The following UNC13C variants were observed in gnomAD, a reference collection of about 807,000 sequenced individuals.
UNC13C encodes the protein protein unc-13 homolog C.
A neutral mutation model predicts 245.4 loss-of-function variants in UNC13C; 174 were observed. The observed-to-expected ratio is 0.71, with a 90% confidence interval of 0.63 to 0.80. The LOEUF is 0.80. Ranked by LOEUF, UNC13C falls within the 30% of genes least tolerant of loss-of-function variation. The pLI is 0.00. For missense variants in UNC13C, 2,829 were observed against 2,602.9 expected, an observed-to-expected ratio of 1.09 and a Z score of -1.89; for synonymous variants, 992 against 895.1, an observed-to-expected ratio of 1.11 and a Z score of -1.93.
intron 19 of UNC13C, among the ~76,000 whole-genome samples, chr15:54,473,038 C>A (rs928947485): frequency 6.6e-6 from 1 of 151,620 alleles, no homozygotes; most frequent in African/African-American, 2.4e-5. Flanking sequence ...CTAGTACTCC[C>A]CAGTGTCTGT....
chr15:54,424,335 T>C (rs1158026787), intron 19 of UNC13C, among the ~76,000 whole-genome samples: 3 of 151,880 alleles, frequency 2.0e-5, no homozygotes, highest in Admixed American at 6.6e-5. Flanking sequence ...GAGGTAGCAG[T>C]TGGCATGAAA....
intron 18 of UNC13C, among the ~76,000 whole-genome samples, chr15:54,412,760 G>C (rs542825950): frequency 3.4e-4 from 52 of 151,954 alleles, no homozygotes; most frequent in Non-Finnish European, 7.2e-4. Context: ...TTCTTCCTTT[G>C]CTATCTATAT....
intron 14 of UNC13C, among the ~76,000 whole-genome samples, chr15:54,330,880 G>T (rs577393055): frequency 1.3e-5 from 2 of 152,140 alleles, no homozygotes; most frequent in Non-Finnish European, 2.9e-5. Flanking sequence ...GGAAGGCAGG[G>T]CTCATTTCTT....
the UNC13C span, among the ~76,000 whole-genome samples, chr15:53,971,118 A>C: frequency 2.0e-5 from 3 of 152,194 alleles, no homozygotes; most frequent in South Asian, 6.2e-4. Flanking sequence ...GATGTTGAGC[A>C]TAATTTCATA....
At position 54,014,549 on chromosome 15, in the gene UNC13C, C is replaced by G. The variant is rs1265265767; in HGVS notation, c.1646C>G (p.Ser549Cys). 1 of 1,613,658 alleles carries G rather than the reference C, an allele frequency of 6.2e-7. No homozygotes were observed. The highest frequency in any genetic ancestry group is 8.5e-7 in the Non-Finnish European group (1 of 1,179,846). Residue 549 changes from serine (S) to cysteine (C), a missense_variant, in exon 2 of 33, where the codon TCT becomes TGT. Transcript: ENST00000260323. ...SDFFTAKLSR[S>C]ESDFSKLCQS... ...TTTTTCACTGCTAAACTTAGTCGTT[C>G]TGAATCAGATTTTTCCAAATTGTGT...
chr15:54,081,770 G>T (rs1445331679), intron 2 of UNC13C, among the ~76,000 whole-genome samples: 1 of 152,050 alleles, frequency 6.6e-6, no homozygotes, highest in Non-Finnish European at 1.5e-5. Flanking sequence ...TTTAAATAGA[G>T]CATTTAAGCT....
At chr15:54,553,060 A>T (rs1319044623) in intron 28 of UNC13C, among the ~76,000 whole-genome samples, 1 of 100,830 alleles carries the variant, frequency 9.9e-6, no homozygotes, top group African/African-American at 3.8e-5. Context: ...CTATATTACA[A>T]TATATAATAT....
At chr15:54,567,535 C>G (rs944292989) in intron 29 of UNC13C, among the ~76,000 whole-genome samples, 2 of 152,150 alleles carry the variant, frequency 1.3e-5, no homozygotes, top group Non-Finnish European at 2.9e-5. Context: ...TCAGCATGAT[C>G]TCATTTGTTT....
At chr15:54,181,751 C>A (rs937802323) in intron 4 of UNC13C, among the ~76,000 whole-genome samples, 2 of 151,588 alleles carry the variant, frequency 1.3e-5, no homozygotes, top group Non-Finnish European at 3.0e-5. Context: ...TCTCCACTTA[C>A]AGATGGTTTA....
the UNC13C span, among the ~76,000 whole-genome samples, chr15:53,895,475 A>G: frequency 1.7e-4 from 26 of 152,048 alleles, no homozygotes; most frequent in Non-Finnish European, 3.1e-4. Flanking sequence ...AGATCATTGA[A>G]TGTTCATAAA....
chr15:54,135,612 G>A (rs897441191), intron 2 of UNC13C, among the ~76,000 whole-genome samples: 1 of 152,124 alleles, frequency 6.6e-6, no homozygotes, highest in African/African-American at 2.4e-5. Flanking sequence ...TTTGCCATAT[G>A]TCTGTGGTTT....
At chr15:54,455,241 T>TATA (rs1891448062) in intron 19 of UNC13C, among the ~76,000 whole-genome samples, 1 of 70,662 alleles carries the variant, frequency 1.4e-5, no homozygotes, top group Non-Finnish European at 3.1e-5. Flanking sequence ...ATATATATGT[T>TATA]TTTTAATCCA....
chr15:54,274,125 C>T (rs4776219), intron 10 of UNC13C, among the ~76,000 whole-genome samples: 81,054 of 151,896 alleles, frequency 0.53, 23,418 homozygotes, highest in African/African-American at 0.77. Flanking sequence ...ACATCGTCAA[C>T]AGGGGGAGCC....
chr15:54,314,903 GAC>G (rs1385522392), intron 13 of UNC13C, among the ~76,000 whole-genome samples: 3 of 151,714 alleles, frequency 2.0e-5, no homozygotes, highest in African/African-American at 7.2e-5. Flanking sequence ...ATCAGAAGCA[GAC>G]AGTAATTCTG....
At chr15:54,107,073 T>C (rs1900483748) in intron 2 of UNC13C, among the ~76,000 whole-genome samples, 1 of 152,240 alleles carries the variant, frequency 6.6e-6, no homozygotes, top group Non-Finnish European at 1.5e-5. Flanking sequence ...AAATTAAATA[T>C]ATTTTTGTGT....
At chr15:53,901,214 ATTTCTT>A in the UNC13C span, among the ~76,000 whole-genome samples, 874 of 129,600 alleles carry the variant, frequency 6.7e-3, 9 homozygotes, top group African/African-American at 0.024. Context: ...GTCTTCATAG[ATTTCTT>A]TTTTTTTTTT....
At chr15:54,289,806 G>A (rs2140930221) in intron 10 of UNC13C, among the ~76,000 whole-genome samples, 1 of 151,840 alleles carries the variant, frequency 6.6e-6, no homozygotes, top group South Asian at 2.1e-4. Context: ...CACTGTTGGG[G>A]GAAAAAAAAA....
chr15:54,269,440 G>A (rs1019125712), intron 10 of UNC13C, among the ~76,000 whole-genome samples: 2 of 152,012 alleles, frequency 1.3e-5, no homozygotes, highest in Non-Finnish European at 2.9e-5. Flanking sequence ...ATGTCAAAGA[G>A]AATAAAATTT....
chr15:54,342,729 G>A (rs1414378351), intron 17 of UNC13C, among the ~76,000 whole-genome samples: 1 of 152,102 alleles, frequency 6.6e-6, no homozygotes, highest in African/African-American at 2.4e-5. Context: ...TTCCAAACTG[G>A]ATTTTTAGCT....
Sources: gnomAD v4.1 joint callset for allele counts (sites outside exome capture counted in the v4.1 genomes callset) on GRCh38, gnomAD v4.1.1 for gene constraint, MANE v1.5 for transcripts, NCBI Gene and HGNC (gene_info 2026-07-23, HGNC 2026-07-21) for gene names.